Variants in LTF observed in about 807,000 individuals in gnomAD.
LTF encodes the protein lactotransferrin.
Under a neutral mutation model 87.2 loss-of-function variants are expected in LTF, and 91 were observed. The ratio of observed to expected loss-of-function variants is 1.04; its 90% CI spans 0.88 to 1.24. LTF has a LOEUF of 1.24. LTF is among the 50% of genes most tolerant of loss of function. LTF has a pLI of 0.00. For synonymous variants in LTF, 378 were observed against 356.1 expected, an observed-to-expected ratio of 1.06 and a Z score of -0.69; for missense variants, 901 against 904.3, an observed-to-expected ratio of 1.00 and a Z score of 0.05.
chr3:46,475,160 C>T (rs1703343595), intron 1 of LTF, among the ~76,000 whole-genome samples: 1 of 152,164 alleles, frequency 6.6e-6, no homozygotes, highest in East Asian at 1.9e-4. Context: ...AAGATCTCTA[C>T]ACACATACAT....
chr3:46,438,142 G>A lies in LTF; in HGVS notation c.1909-13C>T, dbSNP rs899015814. The A allele has an allele frequency of 3.7e-6, 6 of 1,608,724 alleles. No homozygotes were observed. In the African/African-American group the frequency reaches 6.7e-5, roughly 18 times the overall value. ...TCCCAAATTTAGCCTGCGACAAAAG[G>A]GCAGACAGTGAGTAGCTAAGGAAAA... On this transcript the variant is annotated splice_polypyrimidine_tract_variant and intron_variant, in intron 15 of 16. Transcript: ENST00000231751.
intron 12 of LTF, among the ~76,000 whole-genome samples, chr3:46,444,801 G>A (rs71327066): frequency 0.061 from 9,260 of 152,242 alleles, 422 homozygotes; most frequent in South Asian, 0.15. Context: ...GGTGGGGAGA[G>A]AAAACTGCAG....
intron 1 of LTF, among the ~76,000 whole-genome samples, chr3:46,478,008 T>G (rs1013691576): frequency 3.3e-5 from 5 of 152,228 alleles, no homozygotes; most frequent in African/African-American, 1.2e-4. Context: ...CCCAGCAGCG[T>G]GCCCCAGCCC....
In LTF at chr3:46,459,734, C is replaced by T; in HGVS notation, c.129G>A (p.Arg43=). The T allele has an allele frequency of 1.3e-6, 2 of 1,583,452 alleles. No homozygotes were observed. The highest frequency in any genetic ancestry group is 1.7e-6 in the Non-Finnish European group (2 of 1,168,016). Residue 43 remains arginine, a synonymous_variant, in exon 2 of 17, where the codon AGG becomes AGA. Coordinates refer to ENST00000231751, the MANE Select transcript of LTF (RefSeq NM_002343.6). ...GAGGGCCACGCACTTTTCTCATATT[C>T]CTTTGCCATTGGAAGCATTTTGTGG... ...PEATKCFQWQ[R]NMRKVRGPPV... is the part of the protein sequence containing the mutation.
In LTF at chr3:46,436,156, C is replaced by T. The variant is rs775141634; in HGVS notation, c.*39G>A. On this transcript the variant is annotated 3_prime_UTR_variant, in exon 17 of 17. Coordinates refer to ENST00000231751, the MANE Select transcript of LTF (RefSeq NM_002343.6). ...GAGAAGAGCTGGGGGCAGTGAATGG[C>T]TGAGGCTTTCTTGGGGAGCTGGGCC... 4.3e-6 allele frequency: 7 copies of T among 1,612,016 alleles called. No homozygotes were observed. In the South Asian group the frequency reaches 6.6e-5, roughly 15 times the overall value.
upstream of LTF, among the ~76,000 whole-genome samples, chr3:46,468,891 A>G (rs1344503761): frequency 6.6e-6 from 1 of 152,130 alleles, no homozygotes; most frequent in Non-Finnish European, 1.5e-5. Context: ...TATGCCATGG[A>G]ATTAGCAAAT....
At chr3:46,474,049 C>T (rs1429138939) in intron 1 of LTF, among the ~76,000 whole-genome samples, 1 of 151,914 alleles carries the variant, frequency 6.6e-6, no homozygotes, top group Non-Finnish European at 1.5e-5. Context: ...AAAAAGAAAA[C>T]AGTAAAATCT....
chr3:46,475,320 C>T (rs905826016), intron 1 of LTF, among the ~76,000 whole-genome samples: 5 of 152,268 alleles, frequency 3.3e-5, no homozygotes, highest in Admixed American at 6.5e-5. Context: ...GTTTCACTGT[C>T]GAGTTCTACT....
intron 13 of LTF, chr3:46,441,728 G>A (rs950823429): frequency 1.6e-5 from 7 of 440,486 alleles, no homozygotes; most frequent in Non-Finnish European, 2.8e-5. Context: ...CAGGAAACAG[G>A]CAATCTAACA....
In LTF at chr3:46,455,425, A is replaced by T; in HGVS notation, c.517T>A (p.Ser173Thr). Reference sequence around the variant, plus strand: ...TCTGCACCGGGAACACAGCTGGCTGAGAAGAACCTGGCCACAGCTGTTAAA... The same window carrying T: ...TCTGCACCGGGAACACAGCTGGCTGTGAAGAACCTGGCCACAGCTGTTAAA... ...PIEAAVARFF[S>T]ASCVPGADKG... is the part of the protein sequence containing the mutation. Residue 173 changes from serine (S) to threonine (T), a missense_variant, in exon 5 of 17, where the codon TCA becomes ACA. Ser to Thr is a moderately conservative substitution (Grantham distance 58). Transcript: ENST00000231751. The T allele has an allele frequency of 6.2e-7, 1 of 1,614,258 alleles. No individual in the cohort carries two copies. Among genetic ancestry groups the T allele is most frequent in the Non-Finnish European group, 8.5e-7 (1 of 1,180,034 alleles).
chr3:46,464,889 T>A lies in LTF; in HGVS notation c.-22A>T. 1.9e-6 allele frequency: 3 copies of A among 1,613,800 alleles called. No individual in the cohort carries two copies. Among genetic ancestry groups the A allele is most frequent in the East Asian group, 2.2e-5 (1 of 44,870 alleles). Reference sequence around the variant, plus strand: ...TCATGTCTGCGGTCTGGAGGCGACTTGGCAAACGAAGGCTCTGCCACTTGC... The same window carrying A: ...TCATGTCTGCGGTCTGGAGGCGACTAGGCAAACGAAGGCTCTGCCACTTGC... On this transcript the variant is annotated 5_prime_UTR_variant, in exon 1 of 17. Coordinates refer to ENST00000231751, the MANE Select transcript of LTF (RefSeq NM_002343.6).
At chr3:46,473,026 A>G (rs1222463871) in intron 1 of LTF, among the ~76,000 whole-genome samples, 3 of 151,982 alleles carry the variant, frequency 2.0e-5, no homozygotes, top group Non-Finnish European at 2.9e-5. Flanking sequence ...GCCCAGATGC[A>G]TTCAGTTCTT....
chr3:46,448,708 A>C (rs1341786952), intron 9 of LTF, among the ~76,000 whole-genome samples, 155 bp downstream of exon 9: 5 of 152,218 alleles, frequency 3.3e-5, no homozygotes, highest in African/African-American at 7.2e-5. Context: ...TTTTGAAACT[A>C]AAATGCTTTC....
chr3:46,437,767 T>C (rs1000907261), intron 16 of LTF, among the ~76,000 whole-genome samples, 173 bp downstream of exon 16: 1 of 152,248 alleles, frequency 6.6e-6, no homozygotes, highest in Non-Finnish European at 1.5e-5. Context: ...TACTGCTCTA[T>C]TTTATTCTCT....
intron 1 of LTF, among the ~76,000 whole-genome samples, chr3:46,472,934 C>T (rs1175625247): frequency 6.6e-6 from 1 of 152,148 alleles, no homozygotes; most frequent in Non-Finnish European, 1.5e-5. Flanking sequence ...AAGGCGGGGG[C>T]CAGACTCCCC....
At chr3:46,455,163 C>T in intron 5 of LTF, 132 bp downstream of exon 5, 1 of 1,083,880 alleles carries the variant, frequency 9.2e-7, no homozygotes, top group South Asian at 1.4e-5. Flanking sequence ...TTTGGACACA[C>T]AGCAGTAGGA....
In LTF at chr3:46,452,041, C is replaced by A. The variant is rs181413176; in HGVS notation, c.704-1368G>T. On this transcript the variant is annotated intron_variant, in intron 6 of 16. Coordinates refer to ENST00000231751, the MANE Select transcript of LTF (RefSeq NM_002343.6). Reference sequence around the variant, plus strand: ...CACAATTCTAGATATCCAGATCACACAATTTACAAAAGAAATGTGAGATAT... The same window carrying A: ...CACAATTCTAGATATCCAGATCACAAAATTTACAAAAGAAATGTGAGATAT... Among the ~76,000 whole-genome samples the A allele has an allele frequency of 1.0e-3, 154 of 152,228 alleles. 1 individual carries two copies. The Middle Eastern group carries it at 0.01, about 10-fold the overall frequency.
At position 46,445,338 on chromosome 3, in the gene LTF, C is replaced by T. The variant is rs1702625219; in HGVS notation, c.1456G>A (p.Ala486Thr). The T allele has an allele frequency of 6.2e-7, 1 of 1,613,952 alleles. No individual in the cohort carries two copies. Residue 486 changes from alanine (A) to threonine (T), a missense_variant, in exon 12 of 17, where the codon GCA becomes ACA. Physicochemically the swap from Ala to Thr is moderately conservative, Grantham distance 58 (BLOSUM62 0). Coordinates refer to ENST00000231751, the MANE Select transcript of LTF (RefSeq NM_002343.6). ...AGGCCCATGGGGATATTCCAGCCTG[C>T]AGTCCTGTCCACGGCGGTGTGGCAG... ...KSCHTAVDRTAGWNIPMGLLF... is the reference protein window; with the variant it reads ...KSCHTAVDRTTGWNIPMGLLF...
At chr3:46,482,605 GAAAGA>G (rs2106931112) in intron 1 of LTF, among the ~76,000 whole-genome samples, 6 of 124,358 alleles carry the variant, frequency 4.8e-5, no homozygotes, top group African/African-American at 1.8e-4. Flanking sequence ...GAGAAAGAAA[GAAAGA>G]AGAAAGAAAG....
Sources: gnomAD v4.1 joint callset for allele counts (sites outside exome capture counted in the v4.1 genomes callset) on GRCh38, gnomAD v4.1.1 for gene constraint, MANE v1.5 for transcripts, NCBI Gene and HGNC (gene_info 2026-07-23, HGNC 2026-07-21) for gene names.